The following THOC2 variants were observed in gnomAD, a reference collection of about 807,000 sequenced individuals.
The protein encoded by THOC2 is THO complex 2.
THOC2 carries 10 observed loss-of-function variants against 128.4 expected under a neutral mutation model. The observed-to-expected ratio is 0.08, with a 90% CI of 0.05 to 0.13. THOC2 has a LOEUF of 0.13. Ranked by LOEUF, THOC2 falls within the 10% of genes least tolerant of loss-of-function variation. THOC2 has a pLI of 1.00. For synonymous variants in THOC2, 393 were observed against 396.9 expected, an observed-to-expected ratio of 0.99 and a Z score of 0.12; for missense variants, 535 against 1,155.7, an observed-to-expected ratio of 0.46 and a Z score of 7.79.
chrX:123,676,106 T>C (rs943358090), intron 8 of THOC2, among the ~76,000 whole-genome samples: 3 of 112,664 alleles, frequency 2.7e-5, no homozygotes, highest in African/African-American at 9.7e-5. Flanking sequence ...AAAGCTCTTT[T>C]TCCCCATGTA....
intron 33 of THOC2, among the ~76,000 whole-genome samples, chrX:123,614,841 C>T (rs1409873946): frequency 9.0e-6 from 1 of 111,011 alleles, no homozygotes; most frequent in African/African-American, 3.3e-5. Context: ...CCTCAGAAAG[C>T]CATCTAGTCA....
At chrX:123,630,706 C>A (rs145410697) in intron 22 of THOC2, among the ~76,000 whole-genome samples, 1,927 of 108,353 alleles carry the variant, frequency 0.018, 44 homozygotes, top group African/African-American at 0.061. Context: ...GGGGACATAG[C>A]AATCACCTAA....
chrX:123,619,279 G>A, intron 33 of THOC2, 122 bp downstream of exon 33: 2 of 386,936 alleles, frequency 5.2e-6, no homozygotes, highest in Admixed American at 8.8e-5. Flanking sequence ...TTCAATGTAA[G>A]CAGAGTACTT....
chrX:123,669,651 C>A (rs1292417309), intron 9 of THOC2, among the ~76,000 whole-genome samples: 3 of 111,648 alleles, frequency 2.7e-5, no homozygotes, highest in Non-Finnish European at 5.6e-5. Context: ...AATTACAACT[C>A]CCTCTAATGG....
intron 9 of THOC2, among the ~76,000 whole-genome samples, chrX:123,670,581 G>A (rs1453971270): frequency 4.5e-5 from 5 of 112,265 alleles, no homozygotes; most frequent in Non-Finnish European, 9.4e-5. Context: ...ATAGTGCCAC[G>A]GCACTCCAGC....
intron 1 of THOC2, among the ~76,000 whole-genome samples, chrX:123,732,127 T>C (rs1007236289): frequency 4.5e-5 from 5 of 111,033 alleles, no homozygotes; most frequent in Non-Finnish European, 9.4e-5. Context: ...TTTTCGGTGT[T>C]ACGGGGGAAA....
chrX:123,606,407 C>T (rs904898371), intron 38 of THOC2, among the ~76,000 whole-genome samples: 1 of 110,776 alleles, frequency 9.0e-6, no homozygotes, highest in Non-Finnish European at 1.9e-5. Flanking sequence ...GCCTGGCCAA[C>T]GTGGTGAAAC....
rs140535004 is a variant in THOC2, at chrX:123,645,655, G to T, written c.1387-280C>A. On this transcript the variant is annotated intron_variant, in intron 12 of 38. Coordinates refer to ENST00000245838, the MANE Select transcript of THOC2 (RefSeq NM_001081550.2). ...CCAAAGCATCCTAAAATTGATCTAA[G>T]AATTTATTATAAAAGTGTAGCAAGG... is the stretch of plus-strand genomic sequence containing the variant. Among the ~76,000 whole-genome samples, 465 of 112,528 alleles carry T rather than the reference G, an allele frequency of 4.1e-3. 5 individuals carry two copies. Among genetic ancestry groups the T allele is most frequent in the African/African-American group, 0.014 (448 of 31,040 alleles).
chrX:123,626,902 T>C (rs1463472238), intron 23 of THOC2, among the ~76,000 whole-genome samples: 1 of 111,490 alleles, frequency 9.0e-6, no homozygotes, highest in Admixed American at 9.5e-5. Context: ...TCAGGCATGG[T>C]GTCATCTTTG....
At position 123,633,939 on chromosome X, in the gene THOC2, A is replaced by G; in HGVS notation, c.2136+14T>C. The stretch of plus-strand genomic sequence containing the variant: ...GAATTTTAAAAGTTGATGAACAAAA[A>G]TAGCAATTCTTACCTCAGCTTTTAG... On this transcript the variant is annotated intron_variant, in intron 20 of 38. Transcript: ENST00000245838. 2.8e-6 allele frequency: 3 copies of G among 1,055,874 alleles called. No individual in the cohort carries two copies. The highest frequency in any genetic ancestry group is 3.9e-6 in the Non-Finnish European group (3 of 763,594). 87.0% of individuals were successfully genotyped at this position (1,055,874 alleles called of 1,213,427 possible).
chrX:123,653,381 A>ATGGGC (rs2048438678), intron 12 of THOC2, among the ~76,000 whole-genome samples: 1 of 112,337 alleles, frequency 8.9e-6, no homozygotes, highest in Admixed American at 9.5e-5. Context: ...CTTCATGACT[A>ATGGGC]AAACACCAAA....
intron 5 of THOC2, 141 bp from the exon 6 acceptor site, chrX:123,696,983 G>C: frequency 2.4e-6 from 1 of 419,428 alleles, no homozygotes; most frequent in Non-Finnish European, 3.6e-6. Flanking sequence ...AAAAGGCTTA[G>C]AAGTTCAATT....
intron 12 of THOC2, among the ~76,000 whole-genome samples, chrX:123,645,671 T>C (rs2048092226): frequency 8.9e-6 from 1 of 112,758 alleles, no homozygotes; most frequent in Non-Finnish European, 1.9e-5. Context: ...ATTATAAAAG[T>C]GTAGCAAGGG....
intron 12 of THOC2, among the ~76,000 whole-genome samples, chrX:123,662,230 C>A (rs1354353278): frequency 9.0e-6 from 1 of 111,022 alleles, no homozygotes; most frequent in African/African-American, 3.3e-5. Context: ...ATGTATAATT[C>A]TTTTCAGCTT....
intron 1 of THOC2, among the ~76,000 whole-genome samples, chrX:123,722,653 T>C (rs2051755006): frequency 9.1e-6 from 1 of 109,809 alleles, no homozygotes; most frequent in Admixed American, 9.8e-5. Context: ...GGTTGATAGG[T>C]GCAGCAAACC....
intron 7 of THOC2, among the ~76,000 whole-genome samples, chrX:123,689,238 A>C (rs1196941501): frequency 8.9e-6 from 1 of 111,823 alleles, no homozygotes; most frequent in Non-Finnish European, 1.9e-5. Flanking sequence ...TTCTAGGTGC[A>C]ATTTAAGGCA....
chrX:123,693,601 A>C (rs1380830702), intron 7 of THOC2, among the ~76,000 whole-genome samples: 2 of 111,628 alleles, frequency 1.8e-5, no homozygotes, highest in Non-Finnish European at 3.8e-5. Flanking sequence ...GAGTCAGTAT[A>C]GATTATACAA....
intron 7 of THOC2, among the ~76,000 whole-genome samples, 192 bp from the exon 8 acceptor site, chrX:123,686,906 T>C (rs1373763320): frequency 8.9e-6 from 1 of 112,198 alleles, no homozygotes; most frequent in East Asian, 2.8e-4. Context: ...AATGTGACTT[T>C]CCCAGAATCA....
intron 8 of THOC2, among the ~76,000 whole-genome samples, chrX:123,678,517 T>G (rs771629398): frequency 1.4e-4 from 15 of 110,262 alleles, no homozygotes; most frequent in Non-Finnish European, 2.6e-4. Flanking sequence ...TCCACCCACC[T>G]CGGCTTCCCA....
Sources: gnomAD v4.1 joint callset for allele counts (sites outside exome capture counted in the v4.1 genomes callset) on GRCh38, gnomAD v4.1.1 for gene constraint, MANE v1.5 for transcripts, NCBI Gene and HGNC (gene_info 2026-07-23, HGNC 2026-07-21) for gene names.